The following NUP205 variants were observed in gnomAD, a reference collection of about 807,000 sequenced individuals.
NUP205 encodes the protein nucleoporin 205, also known as nuclear pore complex protein Nup205.
NUP205 carries 76 observed loss-of-function variants against 253.8 expected under a neutral mutation model. The ratio of observed to expected loss-of-function variants is 0.30; its 90% CI spans 0.25 to 0.36. The LOEUF is 0.36. Among genes scored for constraint, NUP205 ranks in the 10% least tolerant of loss-of-function variants. The probability of loss-of-function intolerance (pLI) is 1.00; values close to 1 mark genes in which losing one functional copy is unlikely to be tolerated. For synonymous variants in NUP205, 832 were observed against 850.1 expected, an observed-to-expected ratio of 0.98 and a Z score of 0.37; for missense variants, 2,162 against 2,425.5, an observed-to-expected ratio of 0.89 and a Z score of 2.28.
intron 1 of NUP205, among the ~76,000 whole-genome samples, chr7:135,566,918 A>C (rs1036464729): frequency 4.0e-5 from 6 of 150,804 alleles, no homozygotes; most frequent in Non-Finnish European, 8.9e-5. Flanking sequence ...TTGTATTTTT[A>C]GTAGAGATGG....
chr7:135,591,778 A>G (rs530380006), intron 11 of NUP205, among the ~76,000 whole-genome samples, 178 bp downstream of exon 11: 2 of 152,336 alleles, frequency 1.3e-5, no homozygotes, highest in East Asian at 3.9e-4. Context: ...TGCTGTGATT[A>G]TGGTCTCACA....
At position 135,592,894 on chromosome 7, in the gene NUP205, A is replaced by G. The variant is rs1023891972; in HGVS notation, c.1625-93A>G. The G allele has an allele frequency of 1.2e-5, 12 of 988,630 alleles. No individual in the cohort carries two copies. In the African/African-American group the frequency reaches 1.3e-4, roughly 11 times the overall value. 61.2% of individuals were successfully genotyped at this position (988,630 alleles called of 1,614,324 possible). A position where few individuals can be genotyped will look rare whatever the true frequency, so the allele number is the denominator to read the frequency against. ...AGTGAGACTCTATCTCAAAAAAGAAAAAAGTATATTGTTTTAAATTAATTT... is the reference window on the plus strand; with the variant it reads ...AGTGAGACTCTATCTCAAAAAAGAAGAAAGTATATTGTTTTAAATTAATTT... On this transcript the variant is annotated intron_variant, in intron 11 of 42. Coordinates refer to ENST00000285968, the MANE Select transcript of NUP205 (RefSeq NM_015135.3).
chr7:135,634,225 C>G (rs1794767599), intron 35 of NUP205, among the ~76,000 whole-genome samples: 1 of 152,194 alleles, frequency 6.6e-6, no homozygotes, highest in Non-Finnish European at 1.5e-5. Flanking sequence ...CCATGCCCAG[C>G]TGGCTCACAG....
At chr7:135,587,261 A>G (rs1806491208) in intron 8 of NUP205, among the ~76,000 whole-genome samples, 3 of 152,162 alleles carry the variant, frequency 2.0e-5, no homozygotes, top group Admixed American at 2.0e-4. Flanking sequence ...AATGTCCTGG[A>G]ATATTCAGGA....
At chr7:135,604,306 T>C in intron 18 of NUP205, 34 bp from the exon 19 acceptor site, 2 of 1,561,764 alleles carry the variant, frequency 1.3e-6, no homozygotes, top group Non-Finnish European at 8.6e-7. Flanking sequence ...AAAAATTTTA[T>C]CACTGTTCCT....
intron 1 of NUP205, among the ~76,000 whole-genome samples, chr7:135,568,586 G>A (rs1006665940): frequency 6.6e-6 from 1 of 151,982 alleles, no homozygotes; most frequent in South Asian, 2.1e-4. Flanking sequence ...TGCCCGCCTC[G>A]GCCTTCCAAA....
Position 135,581,988 on chromosome 7 carries a change from T to G in NUP205, c.1043-2844T>G, listed in dbSNP as rs187298673. On this transcript the variant is annotated intron_variant, in intron 7 of 42. Coordinates refer to ENST00000285968, the MANE Select transcript of NUP205 (RefSeq NM_015135.3). ...TGATGCCTTATTGCCTAAATGGTCT[T>G]CAAGAAGTAATTTTTGGCTGGGCAT... Among the ~76,000 whole-genome samples, 2 of 152,272 alleles carry G rather than the reference T, an allele frequency of 1.3e-5. 1 individual carries two copies. Among genetic ancestry groups the G allele is most frequent in the Admixed American group, 1.3e-4 (2 of 15,294 alleles).
At position 135,619,671 on chromosome 7, in the gene NUP205, A is replaced by C; in HGVS notation, c.4212A>C (p.Leu1404Phe). The C allele has an allele frequency of 6.2e-7, 1 of 1,612,582 alleles. No homozygotes were observed. Among genetic ancestry groups the C allele is most frequent in the South Asian group, 1.1e-5 (1 of 90,700 alleles). Residue 1404 changes from leucine to phenylalanine, a missense_variant, in exon 29 of 43, where the codon TTA becomes TTC. Coordinates refer to ENST00000285968, the MANE Select transcript of NUP205 (RefSeq NM_015135.3). ...TTTACATCATATTGAAGAAACTGTT[A>C]GACTTCATTTTGAAGACAGGTTTTT... The part of the protein sequence containing the change: ...SSLYIILKKL[L>F]DFILKTGGGF...
intron 37 of NUP205, 138 bp downstream of exon 37, chr7:135,638,197 G>T (rs1413601481): frequency 1.4e-5 from 12 of 867,272 alleles, no homozygotes; most frequent in Non-Finnish European, 2.1e-5. Context: ...ATCACCTGAG[G>T]TCAAGAGTTG....
intron 35 of NUP205, among the ~76,000 whole-genome samples, chr7:135,630,896 A>G (rs117918453): frequency 0.024 from 3,688 of 152,082 alleles, 77 homozygotes; most frequent in Non-Finnish European, 0.036. Flanking sequence ...ACTGCAATCC[A>G]GTCTGGGCAA....
At chr7:135,626,660 TG>T (rs558280232) in intron 33 of NUP205, among the ~76,000 whole-genome samples, 8 of 152,234 alleles carry the variant, frequency 5.3e-5, no homozygotes, top group Non-Finnish European at 1.2e-4. Context: ...AATTATAATT[TG>T]TTATGGATTT....
At chr7:135,596,021 A>ACCT (rs1793826553) in intron 13 of NUP205, among the ~76,000 whole-genome samples, 1 of 151,492 alleles carries the variant, frequency 6.6e-6, no homozygotes, top group African/African-American at 2.4e-5. Context: ...TGCAACCTCC[A>ACCT]CCTCCTGGGT....
In NUP205 at chr7:135,634,075, G is replaced by T. The variant is rs200493101; in HGVS notation, c.5060-1506G>T. On this transcript the variant is annotated intron_variant, in intron 35 of 42. Transcript: ENST00000285968. ...TTATCAGCAGATTTATTTTGTTTCT[G>T]TGACTCACAGATATATATATTTTTT... 3.3e-5 allele frequency among the ~76,000 whole-genome samples: 5 copies of T among 152,004 alleles called. No individual in the cohort carries two copies. In the East Asian group the frequency reaches 9.6e-4, roughly 29 times the overall value.
At chr7:135,602,199 T>C (rs1006509835) in intron 17 of NUP205, among the ~76,000 whole-genome samples, 1 of 152,178 alleles carries the variant, frequency 6.6e-6, no homozygotes, top group African/African-American at 2.4e-5. Context: ...AACTGTATAG[T>C]CAGAATATAC....
At chr7:135,608,614 A>G (rs751183400) in intron 22 of NUP205, among the ~76,000 whole-genome samples, 28 of 152,056 alleles carry the variant, frequency 1.8e-4, no homozygotes, top group Admixed American at 1.7e-3. Flanking sequence ...AGGCTGGGGC[A>G]TGAGAATTGC....
At chr7:135,618,680 G>A (rs1794409351) in intron 28 of NUP205, 77 bp downstream of exon 28, 15 of 1,300,912 alleles carry the variant, frequency 1.2e-5, no homozygotes, top group Non-Finnish European at 1.6e-5. Context: ...CATCCTAATT[G>A]TTTTCCATTT....
intron 35 of NUP205, chr7:135,635,372 A>T (rs1794787494): frequency 5.7e-6 from 2 of 350,516 alleles, no homozygotes; most frequent in Non-Finnish European, 1.0e-5. Flanking sequence ...TGCATTTTAG[A>T]TTGGCTTTGA....
chr7:135,604,789 CTGT>C lies in NUP205; in HGVS notation c.2823+330_2823+332del, dbSNP rs10594247. On this transcript the variant is annotated intron_variant, in intron 19 of 42. Coordinates refer to ENST00000285968, the MANE Select transcript of NUP205 (RefSeq NM_015135.3). ...TTACTGCTCCCGACCTGTCAGTTGC[CTGT>C]GTTCTAAGTGAGCCCTCTGCAAGTT... Among the ~76,000 whole-genome samples, 215 of 152,308 alleles carry C rather than the reference CTGT, an allele frequency of 1.4e-3. 1 individual carries two copies. Among genetic ancestry groups the C allele is most frequent in the African/African-American group, 5.1e-3 (212 of 41,560 alleles).
chr7:135,597,979 C>T lies in NUP205; in HGVS notation c.2065-19C>T, dbSNP rs772559403. The T allele has an allele frequency of 4.4e-6, 7 of 1,602,888 alleles. No individual in the cohort carries two copies. Among genetic ancestry groups the T allele is most frequent in the Non-Finnish European group, 5.1e-6 (6 of 1,171,120 alleles). ...CTAATAGTTTTTATTACCAAGTTTT[C>T]TTTCTTTTTCTTTGGAAGGTTGAAC... is the stretch of plus-strand genomic sequence containing the variant. On this transcript the variant is annotated intron_variant, in intron 14 of 42. Transcript: ENST00000285968.
Sources: allele counts gnomAD v4.1 joint callset (sites outside exome capture counted in the v4.1 genomes callset), GRCh38; gene constraint gnomAD v4.1.1; transcripts MANE v1.5; gene names NCBI Gene and HGNC (gene_info 2026-07-23, HGNC 2026-07-21).